OCA2: variants seen among roughly 807,000 people sequenced by gnomAD.
The protein encoded by OCA2 is OCA2 melanosomal transmembrane protein, also known as P protein.
A neutral mutation model predicts 100.2 loss-of-function variants in OCA2; 77 were observed. The ratio of observed to expected loss-of-function variants is 0.77; its 90% CI spans 0.64 to 0.93. OCA2 has a LOEUF of 0.93. OCA2 is among the 40% of genes least tolerant of loss of function. OCA2 has a pLI of 0.00. For missense variants in OCA2, 1,062 were observed against 1,089.1 expected (o/e 0.98, Z 0.35); for synonymous variants, 432 against 439.2 (o/e 0.98, Z 0.21).
intron 2 of OCA2, among the ~76,000 whole-genome samples, chr15:28,070,912 A>G (rs1382898298): frequency 6.8e-6 from 1 of 146,110 alleles, no homozygotes; most frequent in African/African-American, 2.6e-5. Flanking sequence ...TCAGGGTTAA[A>G]TGGATTAAGG....
chr15:27,915,297 C>T (rs1595637143), intron 19 of OCA2, among the ~76,000 whole-genome samples: 5 of 152,198 alleles, frequency 3.3e-5, no homozygotes, highest in Admixed American at 6.5e-5. Flanking sequence ...GACACAGAGC[C>T]TGGCAAAGAT....
chr15:27,935,248 C>T (rs183658021), intron 18 of OCA2, among the ~76,000 whole-genome samples: 2 of 152,280 alleles, frequency 1.3e-5, no homozygotes, highest in African/African-American at 4.8e-5. Context: ...TTTACGTGAC[C>T]TGTCTTTATC....
intron 21 of OCA2, among the ~76,000 whole-genome samples, chr15:27,863,259 C>T (rs1287439305): frequency 1.3e-5 from 2 of 152,182 alleles, no homozygotes; most frequent in East Asian, 1.9e-4. Context: ...ACAGCAGCCA[C>T]CCAGCAGCAG....
intron 23 of OCA2, among the ~76,000 whole-genome samples, chr15:27,777,105 GT>G (rs1566955247): frequency 6.6e-6 from 1 of 152,050 alleles, no homozygotes; most frequent in African/African-American, 2.4e-5. Flanking sequence ...GAGGTGCCTG[GT>G]GGGCTGAGTT....
intron 17 of OCA2, among the ~76,000 whole-genome samples, chr15:27,953,716 G>A (rs909273826): frequency 1.3e-5 from 2 of 151,798 alleles, no homozygotes; most frequent in Non-Finnish European, 2.9e-5. Context: ...TGCTCCTTCT[G>A]GATACCTGAG....
intron 11 of OCA2, among the ~76,000 whole-genome samples, chr15:27,989,357 A>T (rs1396092565): frequency 6.6e-6 from 1 of 152,160 alleles, no homozygotes; most frequent in East Asian, 1.9e-4. Flanking sequence ...AAGAATTGCT[A>T]GCTTTTCTAA....
At chr15:27,731,231 G>A in the OCA2 span, among the ~76,000 whole-genome samples, 1 of 152,152 alleles carries the variant, frequency 6.6e-6, no homozygotes, top group Non-Finnish European at 1.5e-5. Context: ...GGCTTTGCAT[G>A]CAAAGTCTTC....
At chr15:28,046,474 G>A (rs1005210881) in intron 2 of OCA2, among the ~76,000 whole-genome samples, 1 of 152,160 alleles carries the variant, frequency 6.6e-6, no homozygotes, top group African/African-American at 2.4e-5. Context: ...TCAGCCACAA[G>A]GGTCTTTCTG....
Position 28,016,135 on chromosome 15 carries a change from C to G in OCA2, c.859G>C (p.Val287Leu), listed in dbSNP as rs2042384346. 1 of 1,614,090 alleles carries G rather than the reference C, an allele frequency of 6.2e-7. No homozygotes were observed. The highest frequency in any genetic ancestry group is 1.1e-5 in the South Asian group (1 of 91,094). Reference sequence around the variant, plus strand: ...AGTACCTCAAAGGTCCTGCTCATCACTGAGTGCTCGCTTCTCCTCGGATTT... The same window carrying G: ...AGTACCTCAAAGGTCCTGCTCATCAGTGAGTGCTCGCTTCTCCTCGGATTT... ...YLNPRRSEHSVMSRTFEVLTR... is the reference protein window; with the variant it reads ...YLNPRRSEHSLMSRTFEVLTR... The change falls in exon 8 of 24, where the codon GTG (valine) becomes CTG (leucine). Residue 287 changes from valine to leucine, a missense_variant. Transcript: ENST00000354638.
At chr15:27,980,376 C>T (rs1424874113) in intron 14 of OCA2, among the ~76,000 whole-genome samples, 1 of 152,172 alleles carries the variant, frequency 6.6e-6, no homozygotes, top group Non-Finnish European at 1.5e-5. Context: ...ATCCGACCGC[C>T]TCAGCCTCCC....
chr15:27,861,514 T>C (rs144562410), intron 21 of OCA2, among the ~76,000 whole-genome samples: 1 of 151,798 alleles, frequency 6.6e-6, no homozygotes, highest in East Asian at 2.0e-4. Context: ...GCTTGGAAGA[T>C]GGAGAGGGTC....
intron 19 of OCA2, chr15:27,896,015 G>T (rs774586257): frequency 9.8e-7 from 1 of 1,020,146 alleles, no homozygotes; most frequent in East Asian, 2.4e-5. Context: ...TGGCCTGCAG[G>T]CTTCTCAATA....
At chr15:28,065,806 A>G (rs773296644) in intron 2 of OCA2, among the ~76,000 whole-genome samples, 24 of 152,110 alleles carry the variant, frequency 1.6e-4, no homozygotes, top group Non-Finnish European at 2.9e-4. Context: ...TCTCAGCAAT[A>G]TTTTGTGTTG....
chr15:27,916,359 G>GA (rs1295973937), intron 19 of OCA2, among the ~76,000 whole-genome samples: 2 of 151,464 alleles, frequency 1.3e-5, no homozygotes, highest in African/African-American at 2.4e-5. Flanking sequence ...AAATTGGAAA[G>GA]AAAAAAAAGA....
At chr15:27,918,234 G>A (rs59984724) in intron 19 of OCA2, among the ~76,000 whole-genome samples, 7,637 of 151,490 alleles carry the variant, frequency 0.05, 364 homozygotes, top group South Asian at 0.21. Context: ...TCTGGGATTG[G>A]CTAATTATTG....
At chr15:27,915,289 C>A (rs2038623736) in intron 19 of OCA2, among the ~76,000 whole-genome samples, 1 of 152,102 alleles carries the variant, frequency 6.6e-6, no homozygotes. Context: ...CCATTTTGGA[C>A]ACAGAGCCTG....
intron 8 of OCA2, among the ~76,000 whole-genome samples, chr15:28,015,217 C>T (rs556224492): frequency 6.6e-6 from 1 of 152,266 alleles, no homozygotes; most frequent in Admixed American, 6.5e-5. Flanking sequence ...ATTGAACTGG[C>T]TCTTCCTCCT....
At chr15:28,075,431 G>A (rs1437646556) in intron 2 of OCA2, among the ~76,000 whole-genome samples, 1 of 152,224 alleles carries the variant, frequency 6.6e-6, no homozygotes, top group Non-Finnish European at 1.5e-5. Context: ...ATTAAGTGCT[G>A]ACAATGACGC....
intron 23 of OCA2, among the ~76,000 whole-genome samples, chr15:27,806,478 T>A (rs6497237): frequency 6.6e-6 from 1 of 152,036 alleles, no homozygotes; most frequent in Non-Finnish European, 1.5e-5. Context: ...GCACCCCGGC[T>A]CCGCTCCCTG....
Sources: gnomAD v4.1 joint callset for allele counts (sites outside exome capture counted in the v4.1 genomes callset) on GRCh38, gnomAD v4.1.1 for gene constraint, MANE v1.5 for transcripts, NCBI Gene and HGNC (gene_info 2026-07-23, HGNC 2026-07-21) for gene names.